The following COL5A1 variants were observed in gnomAD, a reference collection of about 807,000 sequenced individuals.
COL5A1 encodes collagen alpha-1(V) chain.
COL5A1 carries 16 observed loss-of-function variants against 263.7 expected under a neutral mutation model. The observed-to-expected ratio is 0.06, with a 90% CI of 0.04 to 0.09. The LOEUF is 0.09. Among genes scored for constraint, COL5A1 ranks in the 10% least tolerant of loss-of-function variants. The pLI is 1.00. For synonymous variants in COL5A1, 1,012 were observed against 1,004.5 expected, an observed-to-expected ratio of 1.01 and a Z score of -0.14; for missense variants, 2,036 against 2,540.5, an observed-to-expected ratio of 0.80 and a Z score of 4.27.
chr9:134,716,428 C>G lies in COL5A1; in HGVS notation c.655-10838C>G, dbSNP rs4562409. On this transcript the variant is annotated intron_variant, in intron 4 of 65. Coordinates refer to ENST00000371817, the MANE Select transcript of COL5A1 (RefSeq NM_000093.5). This position sits in a 1 kb window ranked among gnomAD's most constrained non-coding sequence, Gnocchi z 4.5. Reference sequence around the variant, plus strand: ...CAGCGATGCCCCGTGTGCCATAAAACAGTGTCTGCAGGCCCGCTGCTCCGA... The same window carrying G: ...CAGCGATGCCCCGTGTGCCATAAAAGAGTGTCTGCAGGCCCGCTGCTCCGA... 0.016 allele frequency among the ~76,000 whole-genome samples: 2,440 copies of G among 151,800 alleles called. 84 individuals are homozygous for G. Among genetic ancestry groups the G allele is most frequent in the African/African-American group, 0.055 (2,272 of 41,170 alleles).
chr9:134,721,554 CA>C (rs1314922979), intron 4 of COL5A1, among the ~76,000 whole-genome samples: 3 of 152,160 alleles, frequency 2.0e-5, no homozygotes, highest in Admixed American at 6.5e-5. Context: ...CAGGTGGCCC[CA>C]GGGGTGGCCC....
At chr9:134,643,999 G>A (rs1349159139) in intron 1 of COL5A1, among the ~76,000 whole-genome samples, 1 of 152,106 alleles carries the variant, frequency 6.6e-6, no homozygotes, top group Non-Finnish European at 1.5e-5. Flanking sequence ...GTTGGAAGTG[G>A]GAGTGAGGAT....
chr9:134,778,684 T>A (rs915470890), intron 27 of COL5A1, among the ~76,000 whole-genome samples: 1 of 152,226 alleles, frequency 6.6e-6, no homozygotes, highest in Non-Finnish European at 1.5e-5. Context: ...CGCCCTGTGC[T>A]GGGCGTAGAG....
intron 27 of COL5A1, 101 bp downstream of exon 27, chr9:134,775,013 C>A: frequency 9.1e-7 from 1 of 1,100,728 alleles, no homozygotes; most frequent in Non-Finnish European, 1.4e-6. Flanking sequence ...GGTTTAATGT[C>A]CCTGCTATTC....
chr9:134,695,553 G>A (rs1347044273), intron 2 of COL5A1, among the ~76,000 whole-genome samples: 4 of 152,148 alleles, frequency 2.6e-5, no homozygotes, highest in Admixed American at 2.0e-4. Context: ...CTCAGCCTGG[G>A]GGCTTTGCAG....
chr9:134,643,874 C>G (rs996193538), intron 1 of COL5A1, among the ~76,000 whole-genome samples: 8 of 152,138 alleles, frequency 5.3e-5, no homozygotes, highest in Admixed American at 1.3e-4. Flanking sequence ...AGGGCACTGC[C>G]TGGGGACCAT....
intron 9 of COL5A1, 141 bp from the exon 10 acceptor site, chr9:134,738,333 C>A: frequency 2.3e-6 from 2 of 873,884 alleles, no homozygotes; most frequent in Non-Finnish European, 1.8e-6. Context: ...CCTTTGCAGT[C>A]TGTGCTCGTG....
chr9:134,742,667 G>T lies in COL5A1; in HGVS notation c.1494+3859G>T, dbSNP rs1375899378. Among the ~76,000 whole-genome samples, 1 of 152,198 alleles carries T rather than the reference G, an allele frequency of 6.6e-6. No homozygotes were observed. Among genetic ancestry groups the T allele is most frequent in the Non-Finnish European group, 1.5e-5 (1 of 68,030 alleles). ...GTTACTCAGCCCCTCTCTGGCCTGG[G>T]TTTCTTGTGGGTCTGGCTTCTGTGC... On this transcript the variant is annotated intron_variant, in intron 11 of 65. Transcript: ENST00000371817. The surrounding 1 kb of genome is among the most constrained non-coding windows in gnomAD (Gnocchi z 4.6).
chr9:134,827,577 G>A (rs537657066), intron 63 of COL5A1, among the ~76,000 whole-genome samples: 38 of 152,350 alleles, frequency 2.5e-4, no homozygotes, highest in African/African-American at 8.4e-4. Context: ...TGGAAATCAC[G>A]GGCCAGACTC....
Position 134,841,838 on chromosome 9 carries a change from G to A in COL5A1, c.5371-319G>A, listed in dbSNP as rs979801129. Among the ~76,000 whole-genome samples, 28 of 152,172 alleles carry A rather than the reference G, an allele frequency of 1.8e-4. No individual in the cohort carries two copies. The highest frequency in any genetic ancestry group is 6.3e-4 in the African/African-American group (26 of 41,442). On this transcript the variant is annotated intron_variant, in intron 65 of 65. Coordinates refer to ENST00000371817, the MANE Select transcript of COL5A1 (RefSeq NM_000093.5). The surrounding 1 kb of genome is among the most constrained non-coding windows in gnomAD (Gnocchi z 4.8). ...TCACAAGGAGTCTGGACTGGGCACG[G>A]TGGGAAGGCTGATCAGCTTCAATCC...
rs201286195 is a variant in COL5A1 at position 134,701,294 on chromosome 9, C to T, written c.615C>T (p.Ile205=). Residue 205 remains isoleucine, a synonymous_variant, in exon 4 of 66, where the codon ATC becomes ATT. Transcript: ENST00000371817. Reference sequence around the variant, plus strand: ...CCATGATCGACATCAATGGCATCATCGTGTTTGGCACCCGGATCCTGGATG... The same window carrying T: ...CCATGATCGACATCAATGGCATCATTGTGTTTGGCACCCGGATCCTGGATG... ...DHPMIDINGI[I]VFGTRILDEE... 5.6e-6 allele frequency: 9 copies of T among 1,613,860 alleles called. No individual in the cohort carries two copies. The highest frequency in any genetic ancestry group is 1.1e-5 in the South Asian group (1 of 91,080).
chr9:134,667,777 C>T (rs1203979785), intron 1 of COL5A1, among the ~76,000 whole-genome samples: 1 of 152,208 alleles, frequency 6.6e-6, no homozygotes, highest in African/African-American at 2.4e-5. Flanking sequence ...TGACAAGTGC[C>T]TGACTCTAGG....
At chr9:134,739,231 C>G (rs543169566) in intron 11 of COL5A1, among the ~76,000 whole-genome samples, 1 of 152,376 alleles carries the variant, frequency 6.6e-6, no homozygotes, top group South Asian at 2.1e-4. Context: ...CTCACAGGCT[C>G]AGAGGCATCC....
chr9:134,785,965 G>T (rs1200940085), intron 30 of COL5A1, 30 bp from the exon 31 acceptor site: 1 of 1,598,950 alleles, frequency 6.3e-7, no homozygotes, highest in African/African-American at 1.3e-5. Context: ...ATACCGTGCT[G>T]GCCATTAATG....
chr9:134,828,093 C>T (rs542435889), intron 63 of COL5A1, among the ~76,000 whole-genome samples: 3 of 152,288 alleles, frequency 2.0e-5, no homozygotes, highest in East Asian at 1.9e-4. Flanking sequence ...GGGGACAGGC[C>T]GGCCCTGGGG....
chr9:134,798,731 A>G (rs1286617269), intron 37 of COL5A1, among the ~76,000 whole-genome samples: 1 of 152,250 alleles, frequency 6.6e-6, no homozygotes, highest in Non-Finnish European at 1.5e-5. Context: ...CTGGTTTTGG[A>G]AACTTTGGTG....
At chr9:134,683,806 G>T (rs1000887154) in intron 1 of COL5A1, among the ~76,000 whole-genome samples, 1 of 152,322 alleles carries the variant, frequency 6.6e-6, no homozygotes, top group East Asian at 1.9e-4. Context: ...TTCCTGGGGC[G>T]CCGGCACCCG....
At chr9:134,685,470 A>C (rs1833022613) in intron 1 of COL5A1, among the ~76,000 whole-genome samples, 3 of 84,990 alleles carry the variant, frequency 3.5e-5, no homozygotes, top group East Asian at 4.2e-4. Context: ...CCATCCATTC[A>C]TCCATCCATC....
Position 134,842,206 on chromosome 9 carries a change from T to C in COL5A1, c.5420T>C (p.Val1807Ala). The C allele has an allele frequency of 6.2e-7, 1 of 1,614,116 alleles. No individual in the cohort carries two copies. Among genetic ancestry groups the C allele is most frequent in the South Asian group, 1.1e-5 (1 of 91,072 alleles). The change falls in exon 66 of 66, where the codon GTG becomes GCG. Residue 1807 changes from valine to alanine, a missense_variant. Around this residue, in one of 3 missense-constraint regions of COL5A1, gnomAD observed 358 missense variants for 384.6 expected, o/e 0.93. Transcript: ENST00000371817. The surrounding 1 kb of genome is among the most constrained non-coding windows in gnomAD (Gnocchi z 5.8). ...GTTCTGGAGATCGACACCCCCAAAG[T>C]GGAGCAGGTGCCCATCGTGGACATC... ...KTVLEIDTPK[V>A]EQVPIVDIMF...
Sources: gnomAD v4.1 joint callset for allele counts (sites outside exome capture counted in the v4.1 genomes callset) on GRCh38, gnomAD v4.1.1 for gene constraint, gnomAD v4.1.1 regional missense constraint, Gnocchi (gnomAD v3.1) non-coding constraint, MANE v1.5 for transcripts, NCBI Gene and HGNC (gene_info 2026-07-23, HGNC 2026-07-21) for gene names.